BACH2: variants seen among roughly 807,000 people sequenced by gnomAD.
BACH2 encodes the protein BACH transcriptional regulator 2.
In BACH2, 5 loss-of-function variants were observed where a neutral mutation model predicts 61.8. The ratio of observed to expected loss-of-function variants is 0.08; its 90% CI spans 0.04 to 0.17. The LOEUF is 0.17. BACH2 is among the 10% of genes least tolerant of loss of function. The pLI is 1.00. For synonymous variants in BACH2, 446 were observed against 440.1 expected (o/e 1.01, Z -0.17); for missense variants, 824 against 1,091.1 (o/e 0.76, Z 3.45).
chr6:90,043,444 C>A (rs1447554683), intron 5 of BACH2, among the ~76,000 whole-genome samples: 1 of 151,960 alleles, frequency 6.6e-6, no homozygotes, highest in Middle Eastern at 3.2e-3. Flanking sequence ...AAATACCTTA[C>A]CTTTCCTTTT....
intron 2 of BACH2, among the ~76,000 whole-genome samples, chr6:90,261,609 C>T (rs193006752): frequency 3.7e-4 from 57 of 152,150 alleles, no homozygotes; most frequent in African/African-American, 1.2e-3. Flanking sequence ...GCTTTGGGTT[C>T]GTGGAGCACC....
chr6:90,267,628 C>T (rs1168656278), intron 2 of BACH2, among the ~76,000 whole-genome samples: 1 of 152,052 alleles, frequency 6.6e-6, no homozygotes, highest in East Asian at 1.9e-4. Flanking sequence ...ACCTAGAATG[C>T]TCTTGAAGGT....
At chr6:90,181,136 A>G (rs1350911578) in intron 4 of BACH2, among the ~76,000 whole-genome samples, 1 of 152,166 alleles carries the variant, frequency 6.6e-6, no homozygotes, top group Non-Finnish European at 1.5e-5. Context: ...TCCCACCAGT[A>G]GTGTGTAAGT....
intron 4 of BACH2, among the ~76,000 whole-genome samples, chr6:90,190,094 C>A (rs1002751003): frequency 6.6e-6 from 1 of 152,172 alleles, no homozygotes; most frequent in Non-Finnish European, 1.5e-5. Flanking sequence ...CAGGTGCACA[C>A]CACCACACTC....
chr6:90,273,965 G>A (rs1050765141), intron 1 of BACH2, among the ~76,000 whole-genome samples: 9 of 152,178 alleles, frequency 5.9e-5, no homozygotes, highest in African/African-American at 1.9e-4. Flanking sequence ...ATAATCAGGC[G>A]TAAACATTAG....
intron 4 of BACH2, among the ~76,000 whole-genome samples, chr6:90,187,329 G>T (rs1404880318): frequency 6.6e-6 from 1 of 152,196 alleles, no homozygotes; most frequent in Non-Finnish European, 1.5e-5. Context: ...AAAATATATT[G>T]TGAGTGAGAT....
intron 5 of BACH2, among the ~76,000 whole-genome samples, chr6:90,022,152 C>G (rs1321937864): frequency 6.6e-6 from 1 of 152,140 alleles, no homozygotes; most frequent in East Asian, 1.9e-4. Flanking sequence ...TAACAAGTCC[C>G]AATTTTTTTT....
At chr6:90,199,466 T>C (rs1768881307) in intron 4 of BACH2, among the ~76,000 whole-genome samples, 1 of 152,184 alleles carries the variant, frequency 6.6e-6, no homozygotes, top group Admixed American at 6.5e-5. Flanking sequence ...AGCGTTAACA[T>C]ATTCAGTTAA....
At chr6:89,944,060 A>G (rs1773591826) in intron 7 of BACH2, among the ~76,000 whole-genome samples, 1 of 152,230 alleles carries the variant, frequency 6.6e-6, no homozygotes, top group Non-Finnish European at 1.5e-5. Context: ...TTTCTCGCGC[A>G]ATTGTCCTTC....
chr6:90,066,712 T>C (rs1437810314), intron 5 of BACH2, among the ~76,000 whole-genome samples: 2 of 152,296 alleles, frequency 1.3e-5, no homozygotes, highest in African/African-American at 2.4e-5. Context: ...TCTGAGCCCA[T>C]GAAGACACTA....
chr6:90,071,064 C>T (rs1006366001), intron 5 of BACH2, among the ~76,000 whole-genome samples: 8 of 152,184 alleles, frequency 5.3e-5, no homozygotes, highest in African/African-American at 1.9e-4. Flanking sequence ...TAGCTCACTG[C>T]AGCCTCCAAC....
intron 6 of BACH2, among the ~76,000 whole-genome samples, chr6:89,999,846 T>G (rs1479821519): frequency 6.6e-6 from 1 of 152,210 alleles, no homozygotes; most frequent in Non-Finnish European, 1.5e-5. Flanking sequence ...ATAAATCTAT[T>G]TCAAAATGTT....
chr6:90,291,013 G>A (rs1201008769), intron 1 of BACH2, among the ~76,000 whole-genome samples: 3 of 152,124 alleles, frequency 2.0e-5, no homozygotes, highest in Non-Finnish European at 4.4e-5. Flanking sequence ...ACCAAGCGCC[G>A]GCTCTCATCA....
chr6:90,190,997 G>T (rs1017675724), intron 4 of BACH2, among the ~76,000 whole-genome samples: 1 of 152,206 alleles, frequency 6.6e-6, no homozygotes, highest in African/African-American at 2.4e-5. Flanking sequence ...CTATCATTTT[G>T]CTAGGAAAGG....
chr6:90,043,421 C>T (rs1309259610), intron 5 of BACH2, among the ~76,000 whole-genome samples: 1 of 152,070 alleles, frequency 6.6e-6, no homozygotes, highest in African/African-American at 2.4e-5. Context: ...TGCCAGCCTC[C>T]AGAACTGGAA....
intron 4 of BACH2, among the ~76,000 whole-genome samples, chr6:90,094,861 T>C (rs972248108): frequency 1.6e-4 from 24 of 150,684 alleles, no homozygotes; most frequent in Non-Finnish European, 2.5e-4. Context: ...TCCACAACTA[T>C]ACACACACAC....
intron 4 of BACH2, among the ~76,000 whole-genome samples, chr6:90,120,619 G>C (rs1366375755): frequency 2.0e-5 from 3 of 152,164 alleles, no homozygotes; most frequent in Non-Finnish European, 2.9e-5. Flanking sequence ...CAAATCATCT[G>C]AAAGCTACCT....
At chr6:90,102,118 A>C (rs907084047) in intron 4 of BACH2, among the ~76,000 whole-genome samples, 1 of 152,120 alleles carries the variant, frequency 6.6e-6, no homozygotes, top group South Asian at 2.1e-4. Context: ...ATCCTGGCAC[A>C]AAAACCCATG....
At chr6:90,005,857 C>T (rs562519190) in intron 6 of BACH2, among the ~76,000 whole-genome samples, 3 of 152,240 alleles carry the variant, frequency 2.0e-5, no homozygotes, top group African/African-American at 4.8e-5. Flanking sequence ...TCAATGGTTT[C>T]GAGGATGTAG....
Sources: allele counts gnomAD v4.1 joint callset (sites outside exome capture counted in the v4.1 genomes callset), GRCh38; gene constraint gnomAD v4.1.1; transcripts MANE v1.5; gene names NCBI Gene and HGNC (gene_info 2026-07-23, HGNC 2026-07-21).